Variants in EBF4 observed in about 807,000 individuals in gnomAD.
EBF4 encodes EBF transcription factor 4.
EBF4 carries 34 observed loss-of-function variants against 67.1 expected under a neutral mutation model. That is an observed-to-expected ratio of 0.51 (90% CI 0.39 to 0.67). The LOEUF (loss-of-function observed/expected upper bound fraction) is 0.67, where lower values mean the gene tolerates loss of function less well. EBF4 is among the 30% of genes least tolerant of loss of function. The pLI, the probability that EBF4 is intolerant of heterozygous loss-of-function variation, is 0.00. For synonymous variants in EBF4, 387 were observed against 377.7 expected (o/e 1.02, Z -0.29); for missense variants, 837 against 873.3 (o/e 0.96, Z 0.52).
At chr20:2,705,989 A>G (rs1301727494) in exon 3 of EBF4, 2 of 1,551,522 alleles carry the variant, frequency 1.3e-6, no homozygotes. Context: ...CGGGGCGGAA[A>G]AGACTAACAA....
chr20:2,748,156 T>A (rs1267106412), intron 6 of EBF4, among the ~76,000 whole-genome samples: 8 of 152,162 alleles, frequency 5.3e-5, no homozygotes. Context: ...ACACGCCACA[T>A]ACGGAGCATA....
intron 6 of EBF4, among the ~76,000 whole-genome samples, chr20:2,712,271 C>T (rs1258818092): frequency 6.6e-6 from 1 of 152,076 alleles, no homozygotes; most frequent in Non-Finnish European, 1.5e-5. Flanking sequence ...AGTTAGGAAG[C>T]CAGTACAATA....
Position 2,749,571 on chromosome 20 carries a change from GC to G in EBF4, c.758-45del, listed in dbSNP as rs937971209. 4.5e-6 allele frequency: 7 copies of G among 1,543,278 alleles called. No individual in the cohort carries two copies. In the African/African-American group the frequency reaches 9.6e-5, roughly 21 times the overall value. On this transcript the variant is annotated intron_variant, in intron 8 of 16. Transcript: ENST00000609451. ...GCCGCGGGCCCAGCCAGCCCCCCAG[GC>G]CCCACCTCAGCGCGGTCCCCTGACC...
exon 14 of EBF4, chr20:2,752,436 C>T (rs1398584528): frequency 1.3e-5 from 17 of 1,299,848 alleles, no homozygotes; most frequent in Non-Finnish European, 1.7e-5. Flanking sequence ...GCTACGGCGG[C>T]GGCCTCGGAG....
At chr20:2,734,767 A>T (rs1211035162) in intron 6 of EBF4, among the ~76,000 whole-genome samples, 2 of 152,260 alleles carry the variant, frequency 1.3e-5, no homozygotes, top group Admixed American at 1.3e-4. Flanking sequence ...CTTGAATGCC[A>T]ATAAGTGTTC....
chr20:2,695,589 C>T (rs184301198), intron 1 of EBF4, among the ~76,000 whole-genome samples: 1 of 152,274 alleles, frequency 6.6e-6, no homozygotes, highest in East Asian at 1.9e-4. Flanking sequence ...CTAGGAGCCC[C>T]CACTCGCTTT....
chr20:2,707,803 C>A lies in EBF4; in HGVS notation c.415-144C>A. On this transcript the variant is annotated intron_variant, in intron 4 of 16. Transcript: ENST00000609451. This position sits in a 1 kb window ranked among gnomAD's most constrained non-coding sequence, Gnocchi z 4.6. ...AGGGGTTATCCCCCGCCTGGGCAGC[C>A]CAGAGCAAGGCAGAGGGCGTGCTCT... is the stretch of plus-strand genomic sequence containing the variant. 2 of 755,344 alleles carry A rather than the reference C, an allele frequency of 2.6e-6. No homozygotes were observed. Among genetic ancestry groups the A allele is most frequent in the Non-Finnish European group, 4.0e-6 (2 of 497,328 alleles). 46.8% of individuals were successfully genotyped at this position (755,344 alleles called of 1,614,324 possible).
At chr20:2,699,164 G>A (rs2087339408) in intron 1 of EBF4, among the ~76,000 whole-genome samples, 1 of 152,166 alleles carries the variant, frequency 6.6e-6, no homozygotes, top group South Asian at 2.1e-4. Context: ...CTGCTGGGCA[G>A]CCCCAGCAAT....
At chr20:2,757,946 ACT>A (rs1300649040) in intron 15 of EBF4, among the ~76,000 whole-genome samples, 1 of 152,186 alleles carries the variant, frequency 6.6e-6, no homozygotes, top group Non-Finnish European at 1.5e-5. Context: ...AGAGAGCAAG[ACT>A]CTGTCTCAGT....
At chr20:2,734,352 G>A (rs1051692975) in intron 6 of EBF4, among the ~76,000 whole-genome samples, 2 of 152,148 alleles carry the variant, frequency 1.3e-5, no homozygotes, top group Non-Finnish European at 2.9e-5. Flanking sequence ...AGGCTTCAGT[G>A]AGCCATGATC....
chr20:2,742,154 C>T (rs760499494), intron 6 of EBF4, among the ~76,000 whole-genome samples: 2 of 152,166 alleles, frequency 1.3e-5, no homozygotes, highest in African/African-American at 2.4e-5. Flanking sequence ...GGACTCTTGT[C>T]GGCATCAGTG....
chr20:2,744,080 TTTTA>T (rs1178375383), intron 6 of EBF4, among the ~76,000 whole-genome samples: 5 of 111,002 alleles, frequency 4.5e-5, no homozygotes, highest in African/African-American at 1.6e-4. Context: ...TATTTATTTT[TTTTA>T]TTTTTTTTTT....
Position 2,709,430 on chromosome 20 carries a change from G to A in EBF4, c.489-144G>A, listed in dbSNP as rs564657776. The A allele has an allele frequency of 6.8e-5, 46 of 676,122 alleles. No individual in the cohort carries two copies. The African/African-American group carries it at 7.9e-4, about 12-fold the overall frequency. The allele number at this position is 676,122 out of a possible 1,614,324, so 41.9% of individuals were successfully genotyped here. A position where few individuals can be genotyped will look rare whatever the true frequency, so the allele number is the denominator to read the frequency against. On this transcript the variant is annotated intron_variant, in intron 5 of 16. Transcript: ENST00000609451. ...AGCCTTTCTCCCCCAAGCCCTGGGA[G>A]TGAGCCCCTCCAGCCCAGGGATTCC...
intron 6 of EBF4, among the ~76,000 whole-genome samples, chr20:2,720,658 GTTA>G (rs977766073): frequency 1.3e-5 from 2 of 151,982 alleles, no homozygotes; most frequent in Non-Finnish European, 2.9e-5. Flanking sequence ...AAAATACATT[GTTA>G]TTATTTTGCT....
intron 14 of EBF4, among the ~76,000 whole-genome samples, chr20:2,753,803 G>A (rs1837673298): frequency 1.3e-5 from 2 of 152,192 alleles, no homozygotes; most frequent in African/African-American, 2.4e-5. Flanking sequence ...TCAACTTCTG[G>A]GACCCAAGGC....
chr20:2,758,851 G>T, intron 15 of EBF4, 58 bp from the exon 16 acceptor site: 1 of 1,456,138 alleles, frequency 6.9e-7, no homozygotes, highest in Non-Finnish European at 9.4e-7. Flanking sequence ...AGAGTGACAG[G>T]CAGGTGGCTT....
rs1333796378 is a variant in EBF4 at position 2,705,593 on chromosome 20, C to T, written c.154C>T (p.Arg52Ter). 5 of 1,552,030 alleles carry T rather than the reference C, an allele frequency of 3.2e-6. No homozygotes were observed. The highest frequency in any genetic ancestry group is 2.0e-5 in the Admixed American group (1 of 50,976). ...CTCCCACAGTGGCGTGGGTCTGGCA[C>T]GAGCACATTTTGAGAAGCAGCCTCC... Residue 52 changes from arginine to a stop codon, truncating the protein, a stop_gained, in exon 2 of 17, where the codon CGA becomes TGA. Coordinates refer to ENST00000609451, the Ensembl canonical transcript of EBF4. LOFTEE classifies it high-confidence loss of function.
At chr20:2,705,943 A>C in intron 2 of EBF4, 31 bp from the exon 3 acceptor site, 1 of 1,546,356 alleles carries the variant, frequency 6.5e-7, no homozygotes, top group Non-Finnish European at 8.7e-7. Context: ...ATCCCTGAGC[A>C]CCCGAGCATC....
At chr20:2,732,128 G>T (rs529488855) in intron 6 of EBF4, among the ~76,000 whole-genome samples, 66 of 151,374 alleles carry the variant, frequency 4.4e-4, no homozygotes, top group Non-Finnish European at 8.1e-4. Context: ...TTGAGACAGG[G>T]TCTCACTCCA....
Sources: gnomAD v4.1 joint callset for allele counts (sites outside exome capture counted in the v4.1 genomes callset) on GRCh38, gnomAD v4.1.1 for gene constraint, Gnocchi (gnomAD v3.1) non-coding constraint, MANE v1.5 for transcripts, NCBI Gene and HGNC (gene_info 2026-07-23, HGNC 2026-07-21) for gene names.